The following PID1 variants were observed in gnomAD, a reference collection of about 807,000 sequenced individuals.
The protein encoded by PID1 is phosphotyrosine interaction domain containing 1.
In PID1, 10 loss-of-function variants were observed where a neutral mutation model predicts 19.1. That is an observed-to-expected ratio of 0.52 (90% CI 0.32 to 0.89). The LOEUF (loss-of-function observed/expected upper bound fraction) is 0.89. Ranked by LOEUF, PID1 falls within the 40% of genes least tolerant of loss-of-function variation. PID1 has a pLI of 0.03. For missense variants in PID1, 248 were observed against 285.3 expected, an observed-to-expected ratio of 0.87 and a Z score of 0.94; for synonymous variants, 130 against 116.0, an observed-to-expected ratio of 1.12 and a Z score of -0.78.
At chr2:229,084,325 TCATACAA>T (rs1473377305) in intron 2 of PID1, among the ~76,000 whole-genome samples, 1 of 152,184 alleles carries the variant, frequency 6.6e-6, no homozygotes, top group Non-Finnish European at 1.5e-5. Context: ...GGCCACCACT[TCATACAA>T]AGTGGAAATT....
chr2:229,028,483 A>G (rs1034312774), intron 2 of PID1, among the ~76,000 whole-genome samples: 1 of 152,258 alleles, frequency 6.6e-6, no homozygotes, highest in Non-Finnish European at 1.5e-5. Context: ...CAACATATTT[A>G]AAAAGGCAGC....
chr2:229,121,953 T>C (rs1395152359), intron 2 of PID1, among the ~76,000 whole-genome samples: 2 of 152,146 alleles, frequency 1.3e-5, no homozygotes, highest in Non-Finnish European at 1.5e-5. Flanking sequence ...ATAGGGACCC[T>C]GTGGCTTTTG....
At chr2:229,156,601 C>A (rs1046464539) in intron 1 of PID1, among the ~76,000 whole-genome samples, 2 of 152,140 alleles carry the variant, frequency 1.3e-5, no homozygotes, top group East Asian at 3.9e-4. Context: ...CAGTCTAAGA[C>A]CCCTCTTTCC....
At chr2:229,167,206 T>C (rs1234037211) in intron 1 of PID1, among the ~76,000 whole-genome samples, 1 of 152,112 alleles carries the variant, frequency 6.6e-6, no homozygotes, top group Non-Finnish European at 1.5e-5. Context: ...AATCATTGTT[T>C]AAGGCTAAAA....
At chr2:229,262,742 G>A (rs1320880214) in intron 1 of PID1, 1 of 1,551,624 alleles carries the variant, frequency 6.4e-7, no homozygotes, top group East Asian at 2.4e-5. Context: ...CCATCCAAAA[G>A]CTCTGGAGAA....
At chr2:229,110,628 G>A (rs961249366) in intron 2 of PID1, among the ~76,000 whole-genome samples, 2 of 152,256 alleles carry the variant, frequency 1.3e-5, no homozygotes, top group African/African-American at 2.4e-5. Flanking sequence ...ATGGGTGAAA[G>A]AGGAACTCTA....
chr2:229,212,148 G>A (rs1216481939), intron 1 of PID1, among the ~76,000 whole-genome samples: 1 of 152,144 alleles, frequency 6.6e-6, no homozygotes, highest in Non-Finnish European at 1.5e-5. Context: ...TTTGGAGGGA[G>A]GGGATAGGAC....
intron 2 of PID1, among the ~76,000 whole-genome samples, chr2:229,090,166 A>C (rs1190978234): frequency 6.6e-6 from 1 of 152,212 alleles, no homozygotes; most frequent in Non-Finnish European, 1.5e-5. Context: ...CCCACCAATC[A>C]GAACACCTGC....
intron 2 of PID1, 135 bp downstream of exon 2, chr2:229,155,683 C>A: frequency 1.3e-6 from 1 of 758,760 alleles, no homozygotes; most frequent in Non-Finnish European, 2.1e-6. Flanking sequence ...TACCATCACT[C>A]TGTGAATTTA....
rs75522769 is a variant in PID1, at chr2:229,122,597, C to A, written c.177+33221G>T. Among the ~76,000 whole-genome samples, 928 of 152,272 alleles carry A rather than the reference C, an allele frequency of 6.1e-3. 11 individuals are homozygous for A. Among genetic ancestry groups the A allele is most frequent in the African/African-American group, 0.021 (891 of 41,550 alleles). On this transcript the variant is annotated intron_variant, in intron 2 of 2. Transcript: ENST00000392055. Reference sequence around the variant, plus strand: ...AGCTCTAGGTGGTTCCAGCATCACACAGCCAGTCATTTACATTGTTCAAGC... The same window carrying A: ...AGCTCTAGGTGGTTCCAGCATCACAAAGCCAGTCATTTACATTGTTCAAGC...
At chr2:229,040,461 G>A (rs777034486) in intron 2 of PID1, among the ~76,000 whole-genome samples, 5 of 152,152 alleles carry the variant, frequency 3.3e-5, no homozygotes, top group Non-Finnish European at 7.4e-5. Flanking sequence ...ACATGCAGTG[G>A]TTGCTTGGGA....
At chr2:229,114,794 A>G (rs1695377728) in intron 2 of PID1, among the ~76,000 whole-genome samples, 1 of 152,154 alleles carries the variant, frequency 6.6e-6, no homozygotes, top group African/African-American at 2.4e-5. Flanking sequence ...CCACTCAACT[A>G]TGAGCTCCCT....
chr2:229,026,499 G>T (rs931118233), intron 2 of PID1, among the ~76,000 whole-genome samples: 1 of 152,194 alleles, frequency 6.6e-6, no homozygotes, highest in Middle Eastern at 3.4e-3. Context: ...ATAATAGGAA[G>T]GAATCAAAAG....
At chr2:229,028,742 T>C (rs1241358263) in intron 2 of PID1, among the ~76,000 whole-genome samples, 1 of 152,186 alleles carries the variant, frequency 6.6e-6, no homozygotes, top group Non-Finnish European at 1.5e-5. Context: ...GAGGCCACTG[T>C]CTGAAGTGAA....
At chr2:229,246,443 A>G (rs555047947) in intron 1 of PID1, among the ~76,000 whole-genome samples, 1 of 152,182 alleles carries the variant, frequency 6.6e-6, no homozygotes, top group Non-Finnish European at 1.5e-5. Context: ...ACACATACAC[A>G]TAATTGAAGA....
At chr2:229,242,207 C>G (rs1689888387) in intron 1 of PID1, among the ~76,000 whole-genome samples, 2 of 152,098 alleles carry the variant, frequency 1.3e-5, no homozygotes, top group African/African-American at 4.8e-5. Context: ...AGACCTCTAC[C>G]TCTAGATCAT....
intron 1 of PID1, among the ~76,000 whole-genome samples, chr2:229,161,029 C>T (rs1207858647): frequency 6.6e-6 from 1 of 152,102 alleles, no homozygotes; most frequent in African/African-American, 2.4e-5. Context: ...CAGTTCCTTG[C>T]CCCCAACACT....
intron 2 of PID1, among the ~76,000 whole-genome samples, chr2:229,132,806 T>C (rs749233667): frequency 2.0e-5 from 3 of 152,200 alleles, no homozygotes; most frequent in African/African-American, 7.2e-5. Context: ...CATTATTAAA[T>C]AGGTATATTA....
chr2:229,210,417 G>A (rs1225571755), intron 1 of PID1, among the ~76,000 whole-genome samples: 1 of 111,742 alleles, frequency 8.9e-6, no homozygotes, highest in African/African-American at 2.8e-5. Flanking sequence ...GGAGAGTGAG[G>A]CAGGCAGCAG....
Sources: gnomAD v4.1 joint callset for allele counts (sites outside exome capture counted in the v4.1 genomes callset) on GRCh38, gnomAD v4.1.1 for gene constraint, MANE v1.5 for transcripts, NCBI Gene and HGNC (gene_info 2026-07-23, HGNC 2026-07-21) for gene names.